CDH12: variants seen among roughly 807,000 people sequenced by gnomAD.
CDH12 encodes cadherin-12.
In CDH12, 41 loss-of-function variants were observed where a neutral mutation model predicts 74.1. The observed-to-expected ratio is 0.55, with a 90% CI of 0.43 to 0.72. CDH12 has a LOEUF of 0.72. Ranked by LOEUF, CDH12 falls within the 30% of genes least tolerant of loss-of-function variation. The pLI, the probability that CDH12 is intolerant of heterozygous loss-of-function variation, is 0.00. For missense variants in CDH12, 945 were observed against 977.2 expected (o/e 0.97, Z 0.44); for synonymous variants, 399 against 355.0 (o/e 1.12, Z -1.39).
At chr5:22,461,501 T>C (rs988692403) in intron 2 of CDH12, among the ~76,000 whole-genome samples, 2 of 150,548 alleles carry the variant, frequency 1.3e-5, no homozygotes, top group African/African-American at 2.4e-5. Context: ...AAAACCTGCA[T>C]TCATTAAATA....
rs543953471 is a variant in CDH12 at position 21,883,020 on chromosome 5, G to A, written c.527-28230C>T. ...TAATCCAGTGGAAATCAGGAGAGGT[G>A]TGATGTTAGCTGTTGATGCTGTAAT... On this transcript the variant is annotated intron_variant, in intron 6 of 14. Coordinates refer to ENST00000382254, the MANE Select transcript of CDH12 (RefSeq NM_004061.5). 2.4e-5 allele frequency: 39 copies of A among 1,609,414 alleles called. No homozygotes were observed. In the East Asian group the frequency reaches 7.8e-4, roughly 32 times the overall value.
chr5:22,335,720 A>G (rs1385764023), intron 3 of CDH12, among the ~76,000 whole-genome samples: 1 of 152,166 alleles, frequency 6.6e-6, no homozygotes, highest in Non-Finnish European at 1.5e-5. Flanking sequence ...CCCCAGCCAC[A>G]TGGAACTGTG....
intron 1 of CDH12, among the ~76,000 whole-genome samples, chr5:22,808,848 C>G (rs10941969): frequency 0.053 from 7,154 of 136,118 alleles, 296 homozygotes; most frequent in East Asian, 0.19. Context: ...ACCTTGTGAT[C>G]TGCCTGCCTC....
At chr5:22,069,295 T>C (rs891790657) in intron 5 of CDH12, among the ~76,000 whole-genome samples, 1 of 152,108 alleles carries the variant, frequency 6.6e-6, no homozygotes. Flanking sequence ...GAAATAGCCT[T>C]GTGAAGCCTC....
intron 10 of CDH12, among the ~76,000 whole-genome samples, chr5:21,785,441 G>A (rs1561183215): frequency 6.6e-6 from 1 of 152,200 alleles, no homozygotes; most frequent in Non-Finnish European, 1.5e-5. Flanking sequence ...CTAAAGCCAA[G>A]ATAGTCCAAA....
intron 1 of CDH12, among the ~76,000 whole-genome samples, chr5:22,615,360 T>A (rs1392840216): frequency 6.6e-6 from 1 of 152,146 alleles, no homozygotes; most frequent in Non-Finnish European, 1.5e-5. Flanking sequence ...TAGGCTCAGA[T>A]GAAATGCTGC....
At chr5:22,564,177 A>G (rs1739190262) in intron 1 of CDH12, among the ~76,000 whole-genome samples, 1 of 152,228 alleles carries the variant, frequency 6.6e-6, no homozygotes, top group South Asian at 2.1e-4. Flanking sequence ...TTATAAAAAT[A>G]TAGTTCTGAA....
intron 1 of CDH12, among the ~76,000 whole-genome samples, chr5:22,774,485 T>C (rs1031938696): frequency 6.6e-6 from 1 of 152,094 alleles, no homozygotes; most frequent in Admixed American, 6.6e-5. Context: ...AATTCCCATG[T>C]GTTGTGGGAG....
chr5:22,701,006 TTATC>T (rs1403944135), intron 1 of CDH12, among the ~76,000 whole-genome samples: 2 of 152,160 alleles, frequency 1.3e-5, no homozygotes, highest in African/African-American at 4.8e-5. Flanking sequence ...TTTTACCAGT[TTATC>T]TATCTTCAAA....
At chr5:22,154,592 CATAT>C (rs369274295) in intron 4 of CDH12, among the ~76,000 whole-genome samples, 81 of 148,834 alleles carry the variant, frequency 5.4e-4, no homozygotes, top group Middle Eastern at 7.1e-3. Flanking sequence ...TATGTGTACA[CATAT>C]ATATACACAC....
intron 3 of CDH12, among the ~76,000 whole-genome samples, chr5:22,226,350 T>C (rs1752194856): frequency 6.6e-6 from 1 of 151,956 alleles, no homozygotes; most frequent in Admixed American, 6.6e-5. Flanking sequence ...ATGCACCCTA[T>C]AAAAACAGTG....
intron 1 of CDH12, among the ~76,000 whole-genome samples, chr5:22,851,413 A>G (rs968867058): frequency 6.6e-6 from 1 of 152,168 alleles, no homozygotes; most frequent in South Asian, 2.1e-4. Context: ...ACAGAAAATC[A>G]AAAACATTTT....
intron 1 of CDH12, among the ~76,000 whole-genome samples, chr5:22,712,688 C>T (rs1743349414): frequency 6.6e-6 from 1 of 152,062 alleles, no homozygotes; most frequent in Non-Finnish European, 1.5e-5. Context: ...ATGAAGTACA[C>T]ATTAAAGGCT....
intron 5 of CDH12, among the ~76,000 whole-genome samples, chr5:22,030,340 T>C (rs1219068975): frequency 6.6e-6 from 1 of 152,166 alleles, no homozygotes; most frequent in Non-Finnish European, 1.5e-5. Flanking sequence ...CCTTGATGCA[T>C]GGACTGCAGA....
intron 9 of CDH12, among the ~76,000 whole-genome samples, chr5:21,805,754 C>T (rs1442491600): frequency 6.6e-6 from 1 of 152,108 alleles, no homozygotes; most frequent in Non-Finnish European, 1.5e-5. Context: ...AAAATCCCAG[C>T]ATTTGAAATA....
chr5:22,563,064 A>C (rs1029900237), intron 1 of CDH12, among the ~76,000 whole-genome samples: 12 of 147,408 alleles, frequency 8.1e-5, no homozygotes, highest in Non-Finnish European at 1.5e-4. Context: ...AAATATATAT[A>C]GATTTATATA....
chr5:22,457,894 G>A (rs749658215), intron 2 of CDH12, among the ~76,000 whole-genome samples: 22 of 152,132 alleles, frequency 1.4e-4, no homozygotes, highest in Non-Finnish European at 2.4e-4. Context: ...ACAGGTGCCC[G>A]CCACCATGCC....
intron 2 of CDH12, among the ~76,000 whole-genome samples, chr5:22,454,422 G>A (rs1410431192): frequency 6.6e-6 from 1 of 152,100 alleles, no homozygotes; most frequent in Non-Finnish European, 1.5e-5. Context: ...TGGTATGTTT[G>A]TTTTCTCAGG....
At chr5:22,712,665 T>G (rs548814593) in intron 1 of CDH12, among the ~76,000 whole-genome samples, 2 of 152,300 alleles carry the variant, frequency 1.3e-5, no homozygotes, top group South Asian at 4.1e-4. Flanking sequence ...TTTTTTGTCC[T>G]TACAACAACC....
Sources: gnomAD v4.1 joint callset for allele counts (sites outside exome capture counted in the v4.1 genomes callset) on GRCh38, gnomAD v4.1.1 for gene constraint, MANE v1.5 for transcripts, NCBI Gene and HGNC (gene_info 2026-07-23, HGNC 2026-07-21) for gene names.